Variants in TNS3 observed in about 807,000 individuals in gnomAD.
TNS3 encodes tensin 3, also known as tensin-3.
Under a neutral mutation model 140.9 loss-of-function variants are expected in TNS3, and 45 were observed. The ratio of observed to expected loss-of-function variants is 0.32; its 90% CI spans 0.25 to 0.41. The LOEUF (loss-of-function observed/expected upper bound fraction) is 0.41. Ranked by LOEUF, TNS3 falls within the 10% of genes least tolerant of loss-of-function variation. The pLI, the probability that TNS3 is intolerant of heterozygous loss-of-function variation, is 1.00. For missense variants in TNS3, 1,716 were observed against 1,906.7 expected (o/e 0.90, Z 1.86); for synonymous variants, 815 against 788.4 (o/e 1.03, Z -0.56).
At position 47,369,107 on chromosome 7, in the gene TNS3, G is replaced by A. The variant is rs747578324; in HGVS notation, c.1539C>T (p.His513=). Residue 513 remains histidine, a synonymous_variant, in exon 17 of 31, where the codon CAC becomes CAT. Coordinates refer to ENST00000311160, the MANE Select transcript of TNS3 (RefSeq NM_022748.12). ...QSAHLGPFTC[H]KSSQNSLLSD... ...ATAGGAGTGAGTTCTGGCTGCTCTT[G>A]TGGCAGGTGAAGGGACCCAGGTGGG... 3 of 1,614,012 alleles carry A rather than the reference G, an allele frequency of 1.9e-6. No individual in the cohort carries two copies. Among genetic ancestry groups the A allele is most frequent in the East Asian group, 4.5e-5 (2 of 44,890 alleles).
intron 4 of TNS3, among the ~76,000 whole-genome samples, chr7:47,444,672 C>G (rs962001005): frequency 1.4e-5 from 2 of 146,396 alleles, no homozygotes; most frequent in African/African-American, 4.9e-5. Flanking sequence ...GCAGGTCAGA[C>G]AGACCCACGG....
At chr7:47,524,080 G>A (rs1439346027) in intron 2 of TNS3, among the ~76,000 whole-genome samples, 1 of 152,236 alleles carries the variant, frequency 6.6e-6, no homozygotes, top group Non-Finnish European at 1.5e-5. Context: ...TCTTTGGGGA[G>A]AAGCTGAACC....
Position 47,282,193 on chromosome 7 carries a change from T to G in TNS3, c.4097+1504A>C, listed in dbSNP as rs538857920. Among the ~76,000 whole-genome samples the G allele has an allele frequency of 6.7e-5, 10 of 149,806 alleles. No homozygotes were observed. The South Asian group carries it at 2.1e-3, about 32-fold the overall frequency. ...CATGCCCCTGACCCTGTGTCCACCA[T>G]GTAACTGAGCTATGCCTGACACTGA... On this transcript the variant is annotated intron_variant, in intron 28 of 30. Transcript: ENST00000311160.
rs555585965 is a variant in TNS3, at chr7:47,377,542, T to G, written c.1025-7921A>C. On this transcript the variant is annotated intron_variant, in intron 16 of 30. Coordinates refer to ENST00000311160, the MANE Select transcript of TNS3 (RefSeq NM_022748.12). ...TGTCATGGCATAATGTTTGTCAAAC[T>G]CAGACTACTATATACTAAACAGAGC... 1.5e-3 allele frequency among the ~76,000 whole-genome samples: 234 copies of G among 152,314 alleles called. 3 individuals carry two copies. The highest frequency in any genetic ancestry group is 4.4e-3 in the South Asian group (21 of 4,824).
intron 4 of TNS3, among the ~76,000 whole-genome samples, chr7:47,456,065 G>A (rs1796232808): frequency 6.6e-6 from 1 of 152,226 alleles, no homozygotes; most frequent in Non-Finnish European, 1.5e-5. Context: ...GCATAGGGGA[G>A]TGACACAATC....
At chr7:47,519,751 G>A (rs1031041278) in intron 2 of TNS3, among the ~76,000 whole-genome samples, 6 of 151,080 alleles carry the variant, frequency 4.0e-5, no homozygotes, top group Admixed American at 6.6e-5. Context: ...GTTAGGGGCC[G>A]TCTGGCTGAG....
intron 17 of TNS3, among the ~76,000 whole-genome samples, chr7:47,352,614 C>T (rs1020935424): frequency 6.6e-6 from 1 of 152,222 alleles, no homozygotes; most frequent in Non-Finnish European, 1.5e-5. Flanking sequence ...CCTGGAGGTC[C>T]GTCCTTTCCA....
At chr7:47,458,263 C>CCA (rs796573731) in intron 4 of TNS3, among the ~76,000 whole-genome samples, 64 of 152,296 alleles carry the variant, frequency 4.2e-4, no homozygotes, top group African/African-American at 3.6e-4. Context: ...CTCCCAACTC[C>CCA]CACACACACA....
At chr7:47,333,113 T>A (rs2150927596) in intron 20 of TNS3, among the ~76,000 whole-genome samples, 1 of 152,312 alleles carries the variant, frequency 6.6e-6, no homozygotes, top group African/African-American at 2.4e-5. Context: ...CACCTTTTTT[T>A]TTTTTAGCTT....
intron 20 of TNS3, among the ~76,000 whole-genome samples, chr7:47,327,655 C>G (rs892024016): frequency 2.6e-5 from 4 of 152,236 alleles, no homozygotes; most frequent in African/African-American, 9.6e-5. Flanking sequence ...AAAGACAAAG[C>G]ATGACTTTCT....
At chr7:47,368,266 A>C in intron 17 of TNS3, 99 bp downstream of exon 17, 1 of 1,243,136 alleles carries the variant, frequency 8.0e-7, no homozygotes. Flanking sequence ...TCCCTTGTGG[A>C]TTTCGCCAAA....
At chr7:47,526,378 A>C (rs974338112) in intron 2 of TNS3, among the ~76,000 whole-genome samples, 2 of 152,244 alleles carry the variant, frequency 1.3e-5, no homozygotes, top group Non-Finnish European at 2.9e-5. Flanking sequence ...CCAAACACAC[A>C]TGCGGCATCA....
chr7:47,386,356 C>T (rs753650300), intron 16 of TNS3, among the ~76,000 whole-genome samples: 5 of 152,202 alleles, frequency 3.3e-5, no homozygotes, highest in Non-Finnish European at 7.4e-5. Context: ...CCTGTTTTCC[C>T]AGCTCCTGGG....
chr7:47,351,747 T>C (rs1472869556), intron 17 of TNS3, among the ~76,000 whole-genome samples: 1 of 152,076 alleles, frequency 6.6e-6, no homozygotes, highest in Non-Finnish European at 1.5e-5. Context: ...AGGAAGGCCC[T>C]AGGGCACGGG....
intron 20 of TNS3, among the ~76,000 whole-genome samples, chr7:47,342,117 C>G (rs536195854): frequency 6.6e-6 from 1 of 152,182 alleles, no homozygotes; most frequent in South Asian, 2.1e-4. Flanking sequence ...AGATTGTTTC[C>G]TGGCCCATAG....
chr7:47,517,044 C>T (rs1362099002), intron 2 of TNS3, among the ~76,000 whole-genome samples: 1 of 152,204 alleles, frequency 6.6e-6, no homozygotes, highest in East Asian at 1.9e-4. Flanking sequence ...GCCTGGGCAA[C>T]AAGAGCAAAA....
chr7:47,556,981 T>C, intron 1 of TNS3: 6 of 455,024 alleles, frequency 1.3e-5, no homozygotes, highest in Non-Finnish European at 4.4e-6. Flanking sequence ...CACCAAGCCA[T>C]GCCCCCCACA....
chr7:47,480,756 C>T (rs1297734517), intron 4 of TNS3, among the ~76,000 whole-genome samples: 1 of 152,238 alleles, frequency 6.6e-6, no homozygotes, highest in Non-Finnish European at 1.5e-5. Context: ...CCCAGGCACC[C>T]TCACTGTCCA....
At chr7:47,574,555 A>G (rs1403358257) in intron 1 of TNS3, among the ~76,000 whole-genome samples, 4 of 152,148 alleles carry the variant, frequency 2.6e-5, no homozygotes, top group Admixed American at 6.6e-5. Context: ...ATTATTCACA[A>G]CAGCCGAAGG....
Sources: gnomAD v4.1 joint callset for allele counts (sites outside exome capture counted in the v4.1 genomes callset) on GRCh38, gnomAD v4.1.1 for gene constraint, MANE v1.5 for transcripts, NCBI Gene and HGNC (gene_info 2026-07-23, HGNC 2026-07-21) for gene names.